The following PHLPP2 variants were observed in gnomAD, a reference collection of about 807,000 sequenced individuals.
The protein encoded by PHLPP2 is PH domain leucine-rich repeat-containing protein phosphatase 2.
Under a neutral mutation model 124.9 loss-of-function variants are expected in PHLPP2, and 66 were observed. That is an observed-to-expected ratio of 0.53 (90% CI 0.43 to 0.65). The LOEUF (loss-of-function observed/expected upper bound fraction) is 0.65, where lower values mean the gene tolerates loss of function less well. Among genes scored for constraint, PHLPP2 ranks in the 30% least tolerant of loss-of-function variants. PHLPP2 has a pLI of 0.00. For synonymous variants in PHLPP2, 681 were observed against 624.7 expected (o/e 1.09, Z -1.34); for missense variants, 1,685 against 1,600.4 (o/e 1.05, Z -0.90).
At chr16:71,678,709 C>T (rs1434986963) in intron 8 of PHLPP2, 46 bp downstream of exon 8, 1 of 962,882 alleles carries the variant, frequency 1.0e-6, no homozygotes, top group Non-Finnish European at 1.7e-6. Flanking sequence ...ACATAAAGGT[C>T]CACCAGAGTC....
chr16:71,649,467 T>C lies in PHLPP2; in HGVS notation c.3395A>G (p.Gln1132Arg), dbSNP rs778203124. The change falls in exon 19 of 19, where the codon CAG (glutamine) becomes CGG (arginine). Residue 1132 changes from glutamine (Q) to arginine (R), a missense_variant. Physicochemically the swap from Gln to Arg is conservative, Grantham distance 43 (BLOSUM62 1). Coordinates refer to ENST00000568954, the MANE Select transcript of PHLPP2 (RefSeq NM_015020.3). ...ACTGGAGAAGGTAGCAGAAGAAGGC[T>C]GGCGCTGAAACAGCCCAGAGGTGGG... ...PTPTSGLFQRQPSSATFSSNQ... is the reference protein window; with the variant it reads ...PTPTSGLFQRRPSSATFSSNQ... The C allele has an allele frequency of 3.7e-6, 6 of 1,614,144 alleles. No individual in the cohort carries two copies. The highest frequency in any genetic ancestry group is 4.2e-6 in the Non-Finnish European group (5 of 1,180,028).
intron 13 of PHLPP2, 114 bp from the exon 14 acceptor site, chr16:71,658,929 G>A: frequency 2.3e-6 from 2 of 867,392 alleles, no homozygotes; most frequent in Non-Finnish European, 3.6e-6. Flanking sequence ...ACTGCCAGAT[G>A]ACTGGTGAGA....
At chr16:71,687,761 A>C (rs1471382759) in intron 4 of PHLPP2, among the ~76,000 whole-genome samples, 1 of 151,906 alleles carries the variant, frequency 6.6e-6, no homozygotes, top group Non-Finnish European at 1.5e-5. Flanking sequence ...ACATCTAAAC[A>C]CTCATTTTGT....
chr16:71,703,511 AAC>A (rs915790899), intron 2 of PHLPP2, among the ~76,000 whole-genome samples: 4 of 152,192 alleles, frequency 2.6e-5, no homozygotes, highest in African/African-American at 9.7e-5. Flanking sequence ...TTAAAAAAAA[AAC>A]AAAAGTGATG....
chr16:71,720,990 G>C (rs1463587914), intron 1 of PHLPP2, among the ~76,000 whole-genome samples: 2 of 151,912 alleles, frequency 1.3e-5, no homozygotes, highest in Admixed American at 6.6e-5. Flanking sequence ...TATTGTGAAA[G>C]CGGTGGGGAG....
At chr16:71,676,327 T>G in intron 9 of PHLPP2, 120 bp downstream of exon 9, 1 of 703,576 alleles carries the variant, frequency 1.4e-6, no homozygotes, top group Non-Finnish European at 2.4e-6. Flanking sequence ...AAGCTTTGCC[T>G]CAATGAGCCA....
rs1567619280 is a variant in PHLPP2, at chr16:71,678,959, T to A, written c.1064A>T (p.Asn355Ile). Residue 355 changes from asparagine to isoleucine, a missense_variant, in exon 8 of 19, where the codon AAC becomes ATC. Physicochemically the swap from Asn to Ile is moderately radical, Grantham distance 149. Coordinates refer to ENST00000568954, the MANE Select transcript of PHLPP2 (RefSeq NM_015020.3). ...LNLQTLCLDG[N>I]FLTTLPEELG... ...TTCTTCAGGTAAAGTAGTCAGAAAGTTGCCATCAAGACAGAGGGTTTGAAG... is the reference window on the plus strand; with the variant it reads ...TTCTTCAGGTAAAGTAGTCAGAAAGATGCCATCAAGACAGAGGGTTTGAAG... 6.2e-7 allele frequency: 1 copy of A among 1,610,290 alleles called. No individual in the cohort carries two copies. Among genetic ancestry groups the A allele is most frequent in the Non-Finnish European group, 8.5e-7 (1 of 1,176,998 alleles).
At chr16:71,718,528 C>A (rs960163689) in intron 1 of PHLPP2, among the ~76,000 whole-genome samples, 3 of 149,998 alleles carry the variant, frequency 2.0e-5, no homozygotes, top group Non-Finnish European at 4.4e-5. Flanking sequence ...CACAGTGAGC[C>A]GAGATTGCGC....
At chr16:71,658,938 G>A (rs1281171669) in intron 13 of PHLPP2, 123 bp from the exon 14 acceptor site, 2 of 797,918 alleles carry the variant, frequency 2.5e-6, no homozygotes, top group African/African-American at 1.7e-5. Context: ...TGACTGGTGA[G>A]AAATGAAACC....
intron 3 of PHLPP2, among the ~76,000 whole-genome samples, chr16:71,700,519 C>CTTTTTTTTTTTT (rs1234453846): frequency 1.2e-5 from 1 of 83,346 alleles, no homozygotes; most frequent in African/African-American, 4.8e-5. Context: ...TGACTCATTT[C>CTTTTTTTTTTTT]TTTTTTTTTT....
chr16:71,652,702 A>T, intron 18 of PHLPP2, 88 bp downstream of exon 18: 1 of 894,150 alleles, frequency 1.1e-6, no homozygotes, highest in African/African-American at 1.6e-5. Context: ...AGGGCATGAT[A>T]GGAAGAAAAT....
intron 3 of PHLPP2, among the ~76,000 whole-genome samples, chr16:71,698,005 G>A (rs552648349): frequency 1.3e-4 from 20 of 151,866 alleles, no homozygotes; most frequent in Non-Finnish European, 5.9e-5. Context: ...CCGCCACCAC[G>A]TCCAGCTAAT....
At position 71,655,403 on chromosome 16, in the gene PHLPP2, A is replaced by G. The variant is rs2044733752; in HGVS notation, c.2422T>C (p.Phe808Leu). The change falls in exon 17 of 19, where the codon TTT becomes CTT. Residue 808 changes from phenylalanine to leucine, a missense_variant. Physicochemically the swap from Phe to Leu is conservative, Grantham distance 22 (BLOSUM62 0). Transcript: ENST00000568954. ...LCVSALAMDSFAEGVGAVYGM... is the reference protein window; with the variant it reads ...LCVSALAMDSLAEGVGAVYGM... The stretch of plus-strand genomic sequence containing the variant: ...TACACAGCTCCCACCCCCTCTGCAA[A>G]GCTATCCATAGCAAGTGCTGAGACA... 5 of 1,614,124 alleles carry G rather than the reference A, an allele frequency of 3.1e-6. No homozygotes were observed. Among genetic ancestry groups the G allele is most frequent in the Non-Finnish European group, 4.2e-6 (5 of 1,179,964 alleles).
intron 2 of PHLPP2, among the ~76,000 whole-genome samples, chr16:71,706,194 C>T (rs1336457180): frequency 6.6e-6 from 1 of 152,208 alleles, no homozygotes; most frequent in Non-Finnish European, 1.5e-5. Context: ...TGGTTTGCTT[C>T]AAATGCTTGT....
At chr16:71,685,674 T>C (rs2045048432) in intron 4 of PHLPP2, among the ~76,000 whole-genome samples, 2 of 152,198 alleles carry the variant, frequency 1.3e-5, no homozygotes, top group Non-Finnish European at 2.9e-5. Flanking sequence ...ATAAAGAATA[T>C]TATTGAAATG....
At position 71,684,614 on chromosome 16, in the gene PHLPP2, A is replaced by G. The variant is rs1387260657; in HGVS notation, c.610-13T>C. ...TCACTTCTTCTATCTGAAGAAGAGG[A>G]GGGGAGAAAACCAGAACCACTAAAA... On this transcript the variant is annotated splice_polypyrimidine_tract_variant and intron_variant, in intron 4 of 18. Coordinates refer to ENST00000568954, the MANE Select transcript of PHLPP2 (RefSeq NM_015020.3). 1.9e-6 allele frequency: 3 copies of G among 1,598,282 alleles called. No homozygotes were observed. The highest frequency in any genetic ancestry group is 2.7e-5 in the African/African-American group (2 of 74,474).
chr16:71,704,594 G>A (rs568741727), intron 2 of PHLPP2, among the ~76,000 whole-genome samples: 1 of 151,908 alleles, frequency 6.6e-6, no homozygotes, highest in South Asian at 2.1e-4. Flanking sequence ...TTAGCTTCCA[G>A]AAACTATCAC....
Position 71,681,801 on chromosome 16 carries a change from T to C in PHLPP2, c.840A>G (p.Arg280=), listed in dbSNP as rs113246121. 4.8e-5 allele frequency: 77 copies of C among 1,614,020 alleles called. No homozygotes were observed. In the Middle Eastern group the frequency reaches 6.6e-4, roughly 14 times the overall value. ...YSQDITYLNL[R]HNFMQLERPG... is the part of the protein sequence containing the mutation. ...GTCTTTCTAACTGCATGAAGTTGTG[T>C]CGCAAGTTGAGGTAGGTAATATCTT... Residue 280 remains arginine, a synonymous_variant, in exon 6 of 19, where the codon CGA becomes CGG. Transcript: ENST00000568954.
chr16:71,720,030 A>G (rs981466908), intron 1 of PHLPP2, among the ~76,000 whole-genome samples: 1 of 126,662 alleles, frequency 7.9e-6, no homozygotes, highest in Non-Finnish European at 1.6e-5. Context: ...GTGCAGTGGC[A>G]CAATCTCGGC....
Sources: allele counts gnomAD v4.1 joint callset (sites outside exome capture counted in the v4.1 genomes callset), GRCh38; gene constraint gnomAD v4.1.1; transcripts MANE v1.5; gene names NCBI Gene and HGNC (gene_info 2026-07-23, HGNC 2026-07-21).